Variants in HIBADH observed in about 807,000 individuals in gnomAD.
HIBADH encodes the protein 3-hydroxyisobutyrate dehydrogenase, mitochondrial.
In HIBADH, 25 loss-of-function variants were observed where a neutral mutation model predicts 36.1. The observed-to-expected ratio is 0.69, with a 90% confidence interval of 0.50 to 0.97. The LOEUF is 0.97. HIBADH is among the 50% of genes least tolerant of loss of function. The pLI, the probability that HIBADH is intolerant of heterozygous loss-of-function variation, is 0.00. For missense variants in HIBADH, 421 were observed against 418.0 expected, an observed-to-expected ratio of 1.01 and a Z score of -0.06; for synonymous variants, 160 against 149.5, an observed-to-expected ratio of 1.07 and a Z score of -0.51.
chr7:27,557,513 G>A (rs1784410083), intron 4 of HIBADH, among the ~76,000 whole-genome samples: 2 of 152,182 alleles, frequency 1.3e-5, no homozygotes, highest in Non-Finnish European at 2.9e-5. Context: ...GAGCAGAAAT[G>A]TATTTTTTCA....
At chr7:27,651,448 T>C (rs1786193706) in intron 1 of HIBADH, among the ~76,000 whole-genome samples, 1 of 152,204 alleles carries the variant, frequency 6.6e-6, no homozygotes, top group South Asian at 2.1e-4. Context: ...CAAACTGAAA[T>C]TTTATTTTGA....
intron 4 of HIBADH, among the ~76,000 whole-genome samples, chr7:27,610,167 G>A (rs1239037265): frequency 6.6e-6 from 1 of 151,882 alleles, no homozygotes; most frequent in Non-Finnish European, 1.5e-5. Flanking sequence ...TTAAAGACAG[G>A]AACCCATGGA....
chr7:27,645,368 A>ATGTTTTTTTT (rs1554300959), intron 2 of HIBADH, among the ~76,000 whole-genome samples: 1,224 of 59,628 alleles, frequency 0.021, 318 homozygotes, highest in African/African-American at 0.054. Context: ...CATGGTTTTG[A>ATGTTTTTTTT]TTTTTTTTTT....
At chr7:27,541,713 T>C (rs746125371) in intron 5 of HIBADH, 11 of 422,682 alleles carry the variant, frequency 2.6e-5, no homozygotes, top group Admixed American at 1.4e-4. Context: ...TAGTGGCACT[T>C]TGTATGGGTC....
rs149492402 is a variant in HIBADH at position 27,652,710 on chromosome 7, G to C, written c.92-3077C>G. 4.5e-3 allele frequency among the ~76,000 whole-genome samples: 689 copies of C among 152,308 alleles called. 6 individuals carry two copies. The highest frequency in any genetic ancestry group is 0.016 in the African/African-American group (660 of 41,574). Reference sequence around the variant, plus strand: ...TCTCACTGTATCCTCACATGGTAGAGAGCAGAAAGAGAAGCCACTCTCATG... The same window carrying C: ...TCTCACTGTATCCTCACATGGTAGACAGCAGAAAGAGAAGCCACTCTCATG... On this transcript the variant is annotated intron_variant, in intron 1 of 7. Transcript: ENST00000265395.
intron 4 of HIBADH, among the ~76,000 whole-genome samples, chr7:27,592,610 AAAAC>A (rs1784956385): frequency 6.6e-6 from 1 of 152,112 alleles, no homozygotes; most frequent in Non-Finnish European, 1.5e-5. Context: ...TACTTTTAGG[AAAAC>A]AAACAAAAAA....
At chr7:27,659,445 T>C (rs1786372451) in intron 1 of HIBADH, among the ~76,000 whole-genome samples, 1 of 152,238 alleles carries the variant, frequency 6.6e-6, no homozygotes. Context: ...TTAGGCACAG[T>C]GGCTCATGAC....
chr7:27,527,562 T>C lies in HIBADH; in HGVS notation c.853-1190A>G, dbSNP rs184401697. Among the ~76,000 whole-genome samples, 928 of 152,292 alleles carry C rather than the reference T, an allele frequency of 6.1e-3. 4 individuals carry two copies. Among genetic ancestry groups the C allele is most frequent in the Non-Finnish European group, 0.011 (718 of 68,018 alleles). The stretch of plus-strand genomic sequence containing the variant: ...GCTTCACTTTATCATGCTTCACAGA[T>C]AATGCATGTTTGTTTTTGTATTTTA... On this transcript the variant is annotated intron_variant, in intron 7 of 7. Transcript: ENST00000265395.
chr7:27,601,102 T>C (rs1229301713), intron 4 of HIBADH, among the ~76,000 whole-genome samples: 2 of 152,122 alleles, frequency 1.3e-5, no homozygotes, highest in African/African-American at 4.8e-5. Context: ...AACCTATGTA[T>C]AAAACTGTAA....
intron 5 of HIBADH, among the ~76,000 whole-genome samples, chr7:27,539,271 T>A (rs893620644): frequency 1.3e-5 from 2 of 152,120 alleles, no homozygotes; most frequent in Admixed American, 1.3e-4. Flanking sequence ...TGTGAGACAC[T>A]GAAAGAAAGG....
rs1222485683 is a variant in HIBADH, at chr7:27,525,552, G to A, written c.*662C>T. ...TTGGCTCTGAAATGCATCTAAAGAT[G>A]TCATTCTTAAGTCAAAAAATACGTA... On this transcript the variant is annotated 3_prime_UTR_variant, in exon 8 of 8. Coordinates refer to ENST00000265395, the MANE Select transcript of HIBADH (RefSeq NM_152740.4). 1 of 152,106 alleles carries A rather than the reference G, an allele frequency of 6.6e-6. No individual in the cohort carries two copies. Among genetic ancestry groups the A allele is most frequent in the Admixed American group, 6.5e-5 (1 of 15,274 alleles). 9.4% of individuals were successfully genotyped at this position (152,106 alleles called of 1,614,324 possible). A position where few individuals can be genotyped will look rare whatever the true frequency, so the allele number is the denominator to read the frequency against.
At chr7:27,580,807 C>T (rs562655784) in intron 4 of HIBADH, among the ~76,000 whole-genome samples, 52 of 152,284 alleles carry the variant, frequency 3.4e-4, no homozygotes, top group Admixed American at 7.8e-4. Context: ...TATTAAGGAA[C>T]AACTCCTAGA....
chr7:27,637,596 A>C (rs1785863281), intron 2 of HIBADH, among the ~76,000 whole-genome samples: 1 of 152,180 alleles, frequency 6.6e-6, no homozygotes, highest in Non-Finnish European at 1.5e-5. Flanking sequence ...AGTCCTGGCC[A>C]GAGCAATCAG....
chr7:27,661,061 G>C (rs1377740323), intron 1 of HIBADH, among the ~76,000 whole-genome samples: 2 of 152,220 alleles, frequency 1.3e-5, no homozygotes, highest in Non-Finnish European at 2.9e-5. Context: ...CTGTGGAAAA[G>C]TGTCTATTCT....
intron 4 of HIBADH, among the ~76,000 whole-genome samples, chr7:27,602,945 C>T (rs973168132): frequency 1.3e-5 from 2 of 152,116 alleles, no homozygotes; most frequent in Non-Finnish European, 2.9e-5. Context: ...AGATACCCAG[C>T]ATTGTTTATG....
At chr7:27,531,720 T>C (rs183306220) in intron 6 of HIBADH, among the ~76,000 whole-genome samples, 1 of 152,288 alleles carries the variant, frequency 6.6e-6, no homozygotes, top group East Asian at 1.9e-4. Flanking sequence ...AATATGATAA[T>C]TTAAATTCTA....
At chr7:27,649,658 TA>T (rs753494514) in intron 1 of HIBADH, 25 bp from the exon 2 acceptor site, 1 of 1,510,248 alleles carries the variant, frequency 6.6e-7, no homozygotes, top group Non-Finnish European at 8.9e-7. Context: ...TTATTTTCAA[TA>T]GGGGCAAATA....
chr7:27,654,767 C>T (rs2128297718), intron 1 of HIBADH, among the ~76,000 whole-genome samples: 1 of 151,808 alleles, frequency 6.6e-6, no homozygotes, highest in East Asian at 1.9e-4. Flanking sequence ...CAGCTCGCTA[C>T]AGCCTCAACT....
intron 4 of HIBADH, among the ~76,000 whole-genome samples, chr7:27,609,252 C>G (rs2391445): frequency 0.79 from 120,834 of 152,160 alleles, 48,374 homozygotes; most frequent in East Asian, 0.97. Flanking sequence ...CAGTGAGTCA[C>G]CAGTCTTCTT....
Sources: gnomAD v4.1 joint callset for allele counts (sites outside exome capture counted in the v4.1 genomes callset) on GRCh38, gnomAD v4.1.1 for gene constraint, MANE v1.5 for transcripts, NCBI Gene and HGNC (gene_info 2026-07-23, HGNC 2026-07-21) for gene names.